Variants in MYO10 observed in about 807,000 individuals in gnomAD.
The protein encoded by MYO10 is unconventional myosin-X.
Under a neutral mutation model 257.3 loss-of-function variants are expected in MYO10, and 133 were observed. The observed-to-expected ratio is 0.52, with a 90% CI of 0.45 to 0.60. MYO10 has a LOEUF of 0.60. MYO10 is among the 20% of genes least tolerant of loss of function. The pLI is 0.00. For synonymous variants in MYO10, 1,104 were observed against 1,028.6 expected (o/e 1.07, Z -1.40); for missense variants, 2,399 against 2,635.7 (o/e 0.91, Z 1.97).
At chr5:16,905,907 T>G (rs1189666744) in intron 1 of MYO10, among the ~76,000 whole-genome samples, 2 of 152,098 alleles carry the variant, frequency 1.3e-5, no homozygotes, top group Non-Finnish European at 2.9e-5. Flanking sequence ...AACCACTCAG[T>G]AATTGCTAAG....
In MYO10 at chr5:16,683,905, C is replaced by T. The variant is rs1423682268; in HGVS notation, c.4021G>A (p.Val1341Met). The T allele has an allele frequency of 1.4e-5, 22 of 1,613,758 alleles. No individual in the cohort carries two copies. The highest frequency in any genetic ancestry group is 1.9e-5 in the Non-Finnish European group (22 of 1,179,832). Residue 1341 changes from valine to methionine, a missense_variant, in exon 30 of 41, where the codon GTG becomes ATG. By Grantham distance (21) the Val-to-Met change is conservative (BLOSUM62 1). This residue lies in a region of MYO10 where 1,820 missense variants were observed against 1,939.4 expected (regional missense o/e 0.94). Transcript: ENST00000513610. ...CTATCAGGGCTGTCAGAGGCACACA[C>T]AGAATCAATCAGCCCCACATCCAAG... ...GTLDVGLIDS[V>M]CASDSPDRPN...
intron 1 of MYO10, among the ~76,000 whole-genome samples, chr5:16,919,165 G>T (rs1044269919): frequency 1.3e-5 from 2 of 152,090 alleles, no homozygotes; most frequent in Admixed American, 6.6e-5. Flanking sequence ...ATCACTTGAG[G>T]TCAGGAGTTC....
At chr5:16,839,086 G>A (rs1015531804) in intron 2 of MYO10, among the ~76,000 whole-genome samples, 11 of 152,146 alleles carry the variant, frequency 7.2e-5, no homozygotes, top group Non-Finnish European at 1.5e-4. Flanking sequence ...TGCAGCCCAC[G>A]GATCAAGGAG....
intron 21 of MYO10, among the ~76,000 whole-genome samples, chr5:16,707,832 A>G (rs1482770143): frequency 6.6e-6 from 1 of 152,186 alleles, no homozygotes; most frequent in African/African-American, 2.4e-5. Context: ...TCTAGGTAAG[A>G]ATGCTTGCCT....
chr5:16,793,692 T>G (rs1475563022), intron 4 of MYO10, among the ~76,000 whole-genome samples: 1 of 152,114 alleles, frequency 6.6e-6, no homozygotes, highest in Non-Finnish European at 1.5e-5. Context: ...CACTTTGGGA[T>G]GCTGAGGCAG....
chr5:16,792,330 G>A (rs1400619836), intron 4 of MYO10, among the ~76,000 whole-genome samples: 1 of 152,146 alleles, frequency 6.6e-6, no homozygotes, highest in Admixed American at 6.5e-5. Flanking sequence ...GGCACCTGCA[G>A]ATATCATCAT....
chr5:16,904,869 C>A (rs1561051468), intron 1 of MYO10, among the ~76,000 whole-genome samples: 1 of 151,798 alleles, frequency 6.6e-6, no homozygotes, highest in Non-Finnish European at 1.5e-5. Context: ...GCGGAGCTTG[C>A]AGTGAGCCGA....
intron 4 of MYO10, among the ~76,000 whole-genome samples, chr5:16,789,932 C>A (rs1741703790): frequency 6.6e-6 from 1 of 152,064 alleles, no homozygotes; most frequent in South Asian, 2.1e-4. Context: ...CCTCTTGGGC[C>A]CCTCTGAGGA....
intron 38 of MYO10, 94 bp from the exon 39 acceptor site, chr5:16,671,072 T>C (rs1736436630): frequency 2.6e-6 from 3 of 1,176,122 alleles, no homozygotes; most frequent in Admixed American, 2.6e-5. Flanking sequence ...AGGGTTTCTC[T>C]CAAACTCACC....
intron 19 of MYO10, among the ~76,000 whole-genome samples, chr5:16,718,030 G>A (rs1396405901): frequency 6.6e-6 from 1 of 152,206 alleles, no homozygotes; most frequent in African/African-American, 2.4e-5. Context: ...TGGGCTTGGT[G>A]GGCCCCGCAC....
intron 18 of MYO10, among the ~76,000 whole-genome samples, chr5:16,756,926 C>T (rs1013415252): frequency 2.2e-4 from 33 of 151,954 alleles, no homozygotes; most frequent in Non-Finnish European, 4.0e-4. Context: ...CATAATAAGA[C>T]CCCATCTCAG....
chr5:16,796,660 G>A (rs1741982642), intron 3 of MYO10, among the ~76,000 whole-genome samples: 1 of 152,134 alleles, frequency 6.6e-6, no homozygotes, highest in South Asian at 2.1e-4. Flanking sequence ...TCAGACAGGG[G>A]TGGGAGCAGA....
At chr5:16,739,065 T>C (rs887668164) in intron 19 of MYO10, among the ~76,000 whole-genome samples, 3 of 151,632 alleles carry the variant, frequency 2.0e-5, no homozygotes, top group East Asian at 1.9e-4. Flanking sequence ...TGTGCCCCTA[T>C]AGCCCCAGCT....
intron 21 of MYO10, among the ~76,000 whole-genome samples, chr5:16,706,589 A>G (rs115912015): frequency 3.1e-3 from 466 of 152,286 alleles, no homozygotes; most frequent in African/African-American, 0.011. Context: ...GTGACGAAAG[A>G]GACAAAAGTG....
At chr5:16,931,877 T>C (rs1746303277) in intron 1 of MYO10, among the ~76,000 whole-genome samples, 1 of 152,142 alleles carries the variant, frequency 6.6e-6, no homozygotes, top group Admixed American at 6.5e-5. Context: ...AATGTCCACA[T>C]TTTTCTCTAA....
intron 2 of MYO10, among the ~76,000 whole-genome samples, chr5:16,835,682 A>G (rs1281941737): frequency 6.6e-6 from 1 of 151,706 alleles, no homozygotes; most frequent in Non-Finnish European, 1.5e-5. Flanking sequence ...CCCACTATCA[A>G]GGAAATCTGT....
At chr5:16,743,504 G>A (rs747897412) in intron 19 of MYO10, among the ~76,000 whole-genome samples, 3 of 152,034 alleles carry the variant, frequency 2.0e-5, no homozygotes, top group African/African-American at 2.4e-5. Context: ...TCGGCCAGGC[G>A]TGGCAGTGCA....
chr5:16,829,178 G>A (rs1383677650), intron 2 of MYO10, among the ~76,000 whole-genome samples: 2 of 152,128 alleles, frequency 1.3e-5, no homozygotes, highest in Admixed American at 6.5e-5. Context: ...GATGTGGCAC[G>A]GGGCATCTGT....
At position 16,762,713 on chromosome 5, in the gene MYO10, C is replaced by T. The variant is rs1740755314; in HGVS notation, c.1495-76G>A. 6.0e-6 allele frequency: 7 copies of T among 1,161,164 alleles called. No homozygotes were observed. In the Admixed American group the frequency reaches 6.2e-5, roughly 10 times the overall value. The allele number at this position is 1,161,164 out of a possible 1,614,324, so 71.9% of individuals were successfully genotyped here. On this transcript the variant is annotated intron_variant, in intron 14 of 40. Coordinates refer to ENST00000513610, the MANE Select transcript of MYO10 (RefSeq NM_012334.3). ...CATGGGTAGCTCATGCCTGTAATTC[C>T]AGCACTTTGGGAAGCCAAGATGGGC...
Sources: gnomAD v4.1 joint callset for allele counts (sites outside exome capture counted in the v4.1 genomes callset) on GRCh38, gnomAD v4.1.1 for gene constraint, gnomAD v4.1.1 regional missense constraint, MANE v1.5 for transcripts, NCBI Gene and HGNC (gene_info 2026-07-23, HGNC 2026-07-21) for gene names.